The following GLCCI1 variants were observed in gnomAD, a reference collection of about 807,000 sequenced individuals.
The protein encoded by GLCCI1 is glucocorticoid induced 1.
In GLCCI1, 24 loss-of-function variants were observed where a neutral mutation model predicts 52.2. That is an observed-to-expected ratio of 0.46 (90% CI 0.33 to 0.65). GLCCI1 has a LOEUF of 0.65. Among genes scored for constraint, GLCCI1 ranks in the 30% least tolerant of loss-of-function variants. GLCCI1 has a pLI of 0.02. For missense variants in GLCCI1, 704 were observed against 701.5 expected, an observed-to-expected ratio of 1.00 and a Z score of -0.04; for synonymous variants, 310 against 276.5, an observed-to-expected ratio of 1.12 and a Z score of -1.20.
At chr7:7,989,683 A>C (rs770397637) in intron 1 of GLCCI1, among the ~76,000 whole-genome samples, 1 of 152,156 alleles carries the variant, frequency 6.6e-6, no homozygotes, top group Non-Finnish European at 1.5e-5. Context: ...TGTGATAGCC[A>C]CAAGTTTAAC....
intron 1 of GLCCI1, among the ~76,000 whole-genome samples, chr7:7,991,712 A>G (rs1780841269): frequency 6.6e-6 from 1 of 152,056 alleles, no homozygotes; most frequent in Admixed American, 6.6e-5. Context: ...TATCTTTTCT[A>G]CATGGCTCTT....
rs1418919673 is a variant in GLCCI1, at chr7:8,081,014, A to C, written c.1178-3883A>C. Among the ~76,000 whole-genome samples the C allele has an allele frequency of 2.6e-5, 4 of 151,876 alleles. No homozygotes were observed. In the East Asian group the frequency reaches 5.8e-4, roughly 22 times the overall value. On this transcript the variant is annotated intron_variant, in intron 6 of 7. Coordinates refer to ENST00000223145, the MANE Select transcript of GLCCI1 (RefSeq NM_138426.4). ...TTTACATATATTTTTCACAGCTATC[A>C]TGTCAGTGGTATTTTCTATTTTATA...
At chr7:7,999,251 G>C (rs1781004217) in intron 1 of GLCCI1, among the ~76,000 whole-genome samples, 1 of 152,018 alleles carries the variant, frequency 6.6e-6, no homozygotes, top group Non-Finnish European at 1.5e-5. Flanking sequence ...GTATAGATTA[G>C]AATATTATTA....
Position 8,087,022 on chromosome 7 carries a change from C to A in GLCCI1, c.*484C>A, listed in dbSNP as rs1455553995. On this transcript the variant is annotated 3_prime_UTR_variant, in exon 8 of 8. Coordinates refer to ENST00000223145, the MANE Select transcript of GLCCI1 (RefSeq NM_138426.4). ...AAATGGCCACAACAGTTGCACAGTG[C>A]CCACCCTATGGCCTAGCTTCAGGTA... 1.3e-5 allele frequency: 2 copies of A among 153,410 alleles called. No individual in the cohort carries two copies. The highest frequency in any genetic ancestry group is 2.4e-5 in the African/African-American group (1 of 41,244). The allele number at this position is 153,410 out of a possible 1,614,324, so 9.5% of individuals were successfully genotyped here. A position where few individuals can be genotyped will look rare whatever the true frequency, so the allele number is the denominator to read the frequency against.
rs142463638 is a variant in GLCCI1 at position 7,976,782 on chromosome 7, A to T, written c.457+6975A>T. On this transcript the variant is annotated intron_variant, in intron 1 of 7. Transcript: ENST00000223145. ...TAAAAATTAGCCTGGGCATGGTGGG[A>T]CACTCCTGTAGTCCAGCTACTCAGG... is the stretch of plus-strand genomic sequence containing the variant. Among the ~76,000 whole-genome samples the T allele has an allele frequency of 3.2e-3, 489 of 151,992 alleles. 4 individuals carry two copies. Among genetic ancestry groups the T allele is most frequent in the African/African-American group, 0.011 (466 of 41,464 alleles).
At chr7:8,061,058 G>A (rs944524243) in intron 5 of GLCCI1, among the ~76,000 whole-genome samples, 2 of 150,916 alleles carry the variant, frequency 1.3e-5, no homozygotes, top group African/African-American at 2.4e-5. Flanking sequence ...TTTGCATTTC[G>A]TAATGGCTGA....
At chr7:8,010,537 A>G (rs538019133) in intron 2 of GLCCI1, among the ~76,000 whole-genome samples, 2 of 152,294 alleles carry the variant, frequency 1.3e-5, no homozygotes, top group African/African-American at 4.8e-5. Context: ...ACATTCTATA[A>G]TTATCCCAGA....
chr7:8,034,689 A>C (rs1311051438), intron 3 of GLCCI1, among the ~76,000 whole-genome samples: 2 of 152,200 alleles, frequency 1.3e-5, no homozygotes, highest in African/African-American at 4.8e-5. Flanking sequence ...GCTGGAGTCC[A>C]GTGGAGAACT....
At chr7:8,022,400 G>T in intron 2 of GLCCI1, 83 bp from the exon 3 acceptor site, 1 of 743,110 alleles carries the variant, frequency 1.3e-6, no homozygotes, top group Non-Finnish European at 1.9e-6. Flanking sequence ...TAAGTGCTAA[G>T]AATTTTAAAT....
At chr7:8,020,984 A>G (rs1412726964) in intron 2 of GLCCI1, among the ~76,000 whole-genome samples, 1 of 152,118 alleles carries the variant, frequency 6.6e-6, no homozygotes, top group African/African-American at 2.4e-5. Context: ...ATATATTGAT[A>G]CCTCTTATCC....
At chr7:8,076,694 T>TA (rs1459586798) in intron 6 of GLCCI1, among the ~76,000 whole-genome samples, 2 of 152,226 alleles carry the variant, frequency 1.3e-5, no homozygotes, top group African/African-American at 4.8e-5. Context: ...ATTTTTAACA[T>TA]ACCTGCATAT....
chr7:8,064,692 G>A (rs767504362), intron 5 of GLCCI1, among the ~76,000 whole-genome samples: 12 of 152,206 alleles, frequency 7.9e-5, no homozygotes, highest in Non-Finnish European at 1.2e-4. Flanking sequence ...GCTTTGGACA[G>A]TATGGCTTTT....
intron 1 of GLCCI1, among the ~76,000 whole-genome samples, chr7:8,002,460 C>G (rs142494720): frequency 2.9e-4 from 44 of 152,174 alleles, no homozygotes; most frequent in African/African-American, 1.0e-3. Flanking sequence ...ACAATTAGAG[C>G]TAAAGTAATA....
At chr7:8,074,502 A>G (rs968262572) in intron 6 of GLCCI1, among the ~76,000 whole-genome samples, 30 of 152,072 alleles carry the variant, frequency 2.0e-4, no homozygotes, top group Admixed American at 2.0e-3. Context: ...TGGCCAACAT[A>G]GTGAAACCCC....
chr7:8,057,413 C>T (rs1486883062), intron 4 of GLCCI1, among the ~76,000 whole-genome samples: 3 of 152,056 alleles, frequency 2.0e-5, no homozygotes. Flanking sequence ...ATGGTTGAAT[C>T]TCAAAAACAT....
intron 1 of GLCCI1, among the ~76,000 whole-genome samples, chr7:7,987,436 C>T (rs1780757411): frequency 6.6e-6 from 1 of 152,226 alleles, no homozygotes; most frequent in African/African-American, 2.4e-5. Flanking sequence ...CACTTGTCAT[C>T]TCATCTGAAA....
intron 6 of GLCCI1, among the ~76,000 whole-genome samples, chr7:8,079,502 A>T (rs555381736): frequency 6.6e-6 from 1 of 151,556 alleles, no homozygotes; most frequent in Non-Finnish European, 1.5e-5. Flanking sequence ...TTTCAGTTTT[A>T]ACTGTCATAT....
chr7:8,019,637 AC>A (rs1351242958), intron 2 of GLCCI1, among the ~76,000 whole-genome samples: 1 of 152,162 alleles, frequency 6.6e-6, no homozygotes, highest in African/African-American at 2.4e-5. Flanking sequence ...GAGTGTACTT[AC>A]ACAAACCTAG....
intron 5 of GLCCI1, among the ~76,000 whole-genome samples, chr7:8,064,545 C>G (rs542473972): frequency 5.9e-4 from 90 of 152,236 alleles, no homozygotes; most frequent in African/African-American, 2.1e-3. Flanking sequence ...ATGCCTCTAG[C>G]TGTGTTCTTC....
Sources: gnomAD v4.1 joint callset for allele counts (sites outside exome capture counted in the v4.1 genomes callset) on GRCh38, gnomAD v4.1.1 for gene constraint, MANE v1.5 for transcripts, NCBI Gene and HGNC (gene_info 2026-07-23, HGNC 2026-07-21) for gene names.